SPAG9: variants seen among roughly 807,000 people sequenced by gnomAD.
SPAG9 encodes the protein C-Jun-amino-terminal kinase-interacting protein 4.
A neutral mutation model predicts 166.5 loss-of-function variants in SPAG9; 35 were observed. The observed-to-expected ratio is 0.21, with a 90% CI of 0.16 to 0.28. The LOEUF (loss-of-function observed/expected upper bound fraction) is 0.28. Ranked by LOEUF, SPAG9 falls within the 10% of genes least tolerant of loss-of-function variation. The pLI is 1.00. For missense variants in SPAG9, 1,235 were observed against 1,603.3 expected, an observed-to-expected ratio of 0.77 and a Z score of 3.92; for synonymous variants, 534 against 565.5, an observed-to-expected ratio of 0.94 and a Z score of 0.79.
chr17:51,026,320 G>GAAA (rs55851511), intron 6 of SPAG9, among the ~76,000 whole-genome samples: 16 of 89,418 alleles, frequency 1.8e-4, no homozygotes, highest in East Asian at 1.2e-3. Context: ...GGTGAAAAGA[G>GAAA]AAAAAAAAAA....
chr17:51,109,511 A>C (rs1030152218), intron 1 of SPAG9, among the ~76,000 whole-genome samples: 1 of 152,200 alleles, frequency 6.6e-6, no homozygotes, highest in African/African-American at 2.4e-5. Flanking sequence ...CTGGGATTAC[A>C]GGCGTGAGCC....
intron 24 of SPAG9, among the ~76,000 whole-genome samples, chr17:50,984,544 G>C (rs751078559): frequency 3.3e-5 from 5 of 152,148 alleles, no homozygotes; most frequent in Non-Finnish European, 5.9e-5. Context: ...AAAATTAGCT[G>C]GTCGTGGTGG....
intron 11 of SPAG9, 144 bp from the exon 12 acceptor site, chr17:51,005,407 T>G (rs1013462488): frequency 1.8e-5 from 12 of 676,956 alleles, no homozygotes; most frequent in Non-Finnish European, 2.8e-5. Context: ...CCTCATTTGG[T>G]GGAGTATCAT....
intron 24 of SPAG9, among the ~76,000 whole-genome samples, chr17:50,984,375 T>G (rs1441881566): frequency 1.3e-5 from 2 of 151,934 alleles, no homozygotes; most frequent in African/African-American, 4.8e-5. Context: ...GAAAAACAAA[T>G]GCCTCCCTAT....
At chr17:51,026,857 G>A (rs2046201120) in intron 6 of SPAG9, among the ~76,000 whole-genome samples, 2 of 151,734 alleles carry the variant, frequency 1.3e-5, no homozygotes, top group South Asian at 2.1e-4. Flanking sequence ...TGTATTTTTA[G>A]TAGAGACGAG....
Position 51,048,743 on chromosome 17 carries a change from C to G in SPAG9, c.496-1274G>C, listed in dbSNP as rs115363427. 8.8e-3 allele frequency among the ~76,000 whole-genome samples: 1,342 copies of G among 152,188 alleles called. 16 individuals carry two copies. Among genetic ancestry groups the G allele is most frequent in the African/African-American group, 0.031 (1,302 of 41,530 alleles). On this transcript the variant is annotated intron_variant, in intron 3 of 29. Transcript: ENST00000262013. ...TATTTATCATCAAATAAACAAAAAGCTGAACTCTGATGCATGAAATAAAAC... is the reference window on the plus strand; with the variant it reads ...TATTTATCATCAAATAAACAAAAAGGTGAACTCTGATGCATGAAATAAAAC...
intron 15 of SPAG9, among the ~76,000 whole-genome samples, chr17:50,997,010 C>T (rs754178647): frequency 2.0e-5 from 3 of 152,148 alleles, no homozygotes; most frequent in Non-Finnish European, 4.4e-5. Flanking sequence ...CACGGTAGTG[C>T]GGACCTATAA....
intron 21 of SPAG9, 58 bp from the exon 22 acceptor site, chr17:50,987,295 T>C (rs1353573721): frequency 8.2e-6 from 12 of 1,454,656 alleles, no homozygotes; most frequent in East Asian, 4.8e-5. Flanking sequence ...CGTTATAGTT[T>C]TCAGGGACTG....
intron 6 of SPAG9, among the ~76,000 whole-genome samples, chr17:51,027,963 A>G (rs2144261223): frequency 6.6e-6 from 1 of 152,208 alleles, no homozygotes; most frequent in Non-Finnish European, 1.5e-5. Context: ...CAGTGGGACA[A>G]GATGTGGAGG....
chr17:50,967,732 A>G (rs1180064344), intron 29 of SPAG9, among the ~76,000 whole-genome samples: 1 of 152,252 alleles, frequency 6.6e-6, no homozygotes, highest in Non-Finnish European at 1.5e-5. Context: ...AAATCATTAA[A>G]AATATGGGAC....
At chr17:51,091,475 G>T (rs1598163998) in intron 1 of SPAG9, among the ~76,000 whole-genome samples, 1 of 151,586 alleles carries the variant, frequency 6.6e-6, no homozygotes, top group Admixed American at 6.6e-5. Flanking sequence ...AGTTTTTTTT[G>T]TTTGTTTTTC....
At chr17:50,978,890 A>C (rs1974378887) in intron 26 of SPAG9, among the ~76,000 whole-genome samples, 1 of 152,184 alleles carries the variant, frequency 6.6e-6, no homozygotes, top group African/African-American at 2.4e-5. Flanking sequence ...CTTGGTTACT[A>C]GGCAGAGAAC....
chr17:50,982,802 T>C (rs182656060), intron 24 of SPAG9, 130 bp from the exon 25 acceptor site: 79 of 814,242 alleles, frequency 9.7e-5, no homozygotes, highest in Non-Finnish European at 1.4e-4. Context: ...ACTAAGTATA[T>C]CTTTTATTTG....
At chr17:51,032,332 T>G (rs549863803) in intron 5 of SPAG9, among the ~76,000 whole-genome samples, 1 of 152,158 alleles carries the variant, frequency 6.6e-6, no homozygotes, top group African/African-American at 2.4e-5. Flanking sequence ...CTGGATAAAT[T>G]TTTGTATTTT....
chr17:51,036,551 C>T (rs934347114), intron 5 of SPAG9, among the ~76,000 whole-genome samples: 2 of 152,088 alleles, frequency 1.3e-5, no homozygotes, highest in Non-Finnish European at 2.9e-5. Context: ...AGCCCCCTCT[C>T]CCCCTACCAC....
intron 2 of SPAG9, among the ~76,000 whole-genome samples, chr17:51,064,606 G>C (rs2047609109): frequency 6.6e-6 from 1 of 152,142 alleles, no homozygotes; most frequent in African/African-American, 2.4e-5. Context: ...ACCATATATT[G>C]TATGATCCTA....
intron 15 of SPAG9, among the ~76,000 whole-genome samples, 192 bp from the exon 16 acceptor site, chr17:50,996,886 T>A (rs1404237405): frequency 6.6e-6 from 1 of 152,188 alleles, no homozygotes; most frequent in Non-Finnish European, 1.5e-5. Flanking sequence ...ATGCCTGTAA[T>A]CCCAACACTT....
chr17:51,114,190 C>T (rs1458772796), intron 1 of SPAG9, among the ~76,000 whole-genome samples: 1 of 151,764 alleles, frequency 6.6e-6, no homozygotes, highest in Non-Finnish European at 1.5e-5. Flanking sequence ...GCCGGGCGTG[C>T]TGGCGCGTGC....
intron 25 of SPAG9, among the ~76,000 whole-genome samples, chr17:50,980,949 C>A (rs1482553486): frequency 6.6e-6 from 1 of 152,170 alleles, no homozygotes; most frequent in Non-Finnish European, 1.5e-5. Flanking sequence ...CTGCAGTGAG[C>A]TATGATTGCG....
Sources: allele counts gnomAD v4.1 joint callset (sites outside exome capture counted in the v4.1 genomes callset), GRCh38; gene constraint gnomAD v4.1.1; transcripts MANE v1.5; gene names NCBI Gene and HGNC (gene_info 2026-07-23, HGNC 2026-07-21).